The following NFAM1 variants were observed in gnomAD, a reference collection of about 807,000 sequenced individuals.
The protein encoded by NFAM1 is NFAT activation molecule 1.
A neutral mutation model predicts 29.0 loss-of-function variants in NFAM1; 17 were observed. That is an observed-to-expected ratio of 0.59 (90% confidence interval 0.40 to 0.88). The LOEUF (loss-of-function observed/expected upper bound fraction) is 0.88, where lower values mean the gene tolerates loss of function less well. Among genes scored for constraint, NFAM1 ranks in the 40% least tolerant of loss-of-function variants. NFAM1 has a pLI of 0.00. For missense variants in NFAM1, 324 were observed against 344.6 expected (o/e 0.94, Z 0.47); for synonymous variants, 175 against 147.2 (o/e 1.19, Z -1.36).
Position 42,431,783 on chromosome 22 carries a change from T to G in NFAM1, c.121+454A>C, listed in dbSNP as rs1040013219. The stretch of plus-strand genomic sequence containing the variant: ...TGTGGCTGGCCCTGGTATCCCCCCC[T>G]CCCCCCTCTCCCCGCTCTCCCTGGC... On this transcript the variant is annotated intron_variant, in intron 1 of 5. Transcript: ENST00000329021. Among the ~76,000 whole-genome samples, 449 of 85,956 alleles carry G rather than the reference T, an allele frequency of 5.2e-3. 1 individual carries two copies. The highest frequency in any genetic ancestry group is 7.2e-3 in the Non-Finnish European group (301 of 41,606). The allele number at this position is 85,956 out of a possible 152,430, so 56.4% of individuals were successfully genotyped here.
At chr22:42,393,709 C>A (rs1929426053) in intron 4 of NFAM1, among the ~76,000 whole-genome samples, 1 of 150,220 alleles carries the variant, frequency 6.7e-6, no homozygotes, top group African/African-American at 2.5e-5. Context: ...AGCCACTGCA[C>A]CCAGCCAAAA....
chr22:42,420,919 G>A (rs1276812289), intron 1 of NFAM1, among the ~76,000 whole-genome samples: 1 of 152,184 alleles, frequency 6.6e-6, no homozygotes, highest in East Asian at 1.9e-4. Flanking sequence ...CAATAGGTAG[G>A]GGCCTGGGGA....
In NFAM1 at chr22:42,417,875, C is replaced by T. The variant is rs559985563; in HGVS notation, c.122-6139G>A. ...ACGGTGTCTGGGAGGGCCCCCGCCC[C>T]GTCCCCGGGCTTGGCTGTTTGTTTT... On this transcript the variant is annotated intron_variant, in intron 1 of 5. Transcript: ENST00000329021. Among the ~76,000 whole-genome samples the T allele has an allele frequency of 6.6e-4, 100 of 152,258 alleles. 1 individual carries two copies. The highest frequency in any genetic ancestry group is 3.9e-3 in the South Asian group (19 of 4,830).
chr22:42,418,154 T>C (rs564307097), intron 1 of NFAM1, among the ~76,000 whole-genome samples: 21 of 152,252 alleles, frequency 1.4e-4, no homozygotes, highest in South Asian at 4.2e-4. Flanking sequence ...AAAGCCCAGG[T>C]TCTGGAGGCA....
At chr22:42,407,176 G>C (rs1469773656) in intron 3 of NFAM1, among the ~76,000 whole-genome samples, 1 of 151,576 alleles carries the variant, frequency 6.6e-6, no homozygotes, top group African/African-American at 2.4e-5. Context: ...CTGCCTCCTG[G>C]GTTCAAGCTA....
At chr22:42,428,246 T>C (rs1467556898) in intron 1 of NFAM1, among the ~76,000 whole-genome samples, 1 of 151,976 alleles carries the variant, frequency 6.6e-6, no homozygotes, top group Non-Finnish European at 1.5e-5. Flanking sequence ...TCCCGCTCTG[T>C]CCCCACTCCG....
At chr22:42,399,218 G>T in intron 3 of NFAM1, among the ~76,000 whole-genome samples, 1 of 151,680 alleles carries the variant, frequency 6.6e-6, no homozygotes, top group African/African-American at 2.4e-5. Flanking sequence ...AGGCCGAGTC[G>T]GGTGGATCAC....
At chr22:42,402,831 C>CTT (rs35045065) in intron 3 of NFAM1, among the ~76,000 whole-genome samples, 12,254 of 97,022 alleles carry the variant, frequency 0.13, 1,379 homozygotes, top group African/African-American at 0.23. Flanking sequence ...TCTGTGCCTT[C>CTT]TTTTTTTTTT....
At chr22:42,417,160 CT>C (rs1930288638) in intron 1 of NFAM1, among the ~76,000 whole-genome samples, 1 of 152,228 alleles carries the variant, frequency 6.6e-6, no homozygotes, top group Admixed American at 6.5e-5. Flanking sequence ...CACCTCGCCC[CT>C]CACCCTCACA....
At chr22:42,432,703 C>T (rs1601767829), upstream of NFAM1, among the ~76,000 whole-genome samples, 3 of 152,114 alleles carry the variant, frequency 2.0e-5, no homozygotes, top group Admixed American at 6.6e-5. Context: ...TGAGTGACTT[C>T]GGGCCTTGGT....
intron 1 of NFAM1, among the ~76,000 whole-genome samples, chr22:42,424,047 T>C (rs1413775786): frequency 6.6e-6 from 1 of 152,104 alleles, no homozygotes. Context: ...GTGATCTGCC[T>C]GACTCGGCCT....
chr22:42,384,929 C>T lies in NFAM1; in HGVS notation c.*232G>A, dbSNP rs1449162584. Reference sequence around the variant, plus strand: ...TTGGGCCAAGGGAGGAAGGGCCTGCCTGGCAGAAGGAACAGCCTGGGCAAA... The same window carrying T: ...TTGGGCCAAGGGAGGAAGGGCCTGCTTGGCAGAAGGAACAGCCTGGGCAAA... On this transcript the variant is annotated 3_prime_UTR_variant, in exon 6 of 6. Coordinates refer to ENST00000329021, the MANE Select transcript of NFAM1 (RefSeq NM_145912.8). The T allele has an allele frequency of 3.2e-6, 2 of 629,186 alleles. No individual in the cohort carries two copies. Among genetic ancestry groups the T allele is most frequent in the Non-Finnish European group, 5.7e-6 (2 of 351,764 alleles). 39.0% of individuals were successfully genotyped at this position (629,186 alleles called of 1,614,324 possible).
chr22:42,385,281 G>T (rs1929099226), intron 5 of NFAM1, 61 bp from the exon 6 acceptor site: 1 of 1,207,834 alleles, frequency 8.3e-7, no homozygotes, highest in African/African-American at 1.5e-5. Flanking sequence ...CATTAAGAAT[G>T]AACTTGCACT....
chr22:42,407,587 T>C (rs1379422315), intron 3 of NFAM1, among the ~76,000 whole-genome samples: 1 of 151,802 alleles, frequency 6.6e-6, no homozygotes, highest in East Asian at 1.9e-4. Flanking sequence ...GTCAGGCTGG[T>C]CTCAAACTTT....
At chr22:42,414,258 C>T (rs968209796) in intron 1 of NFAM1, among the ~76,000 whole-genome samples, 9 of 152,092 alleles carry the variant, frequency 5.9e-5, no homozygotes, top group Admixed American at 2.6e-4. Context: ...CTCTGGTGGA[C>T]GGAGCAGGGG....
Position 42,411,607 on chromosome 22 carries a change from T to C in NFAM1, c.251A>G (p.His84Arg), listed in dbSNP as rs758386170. 1.2e-6 allele frequency: 2 copies of C among 1,614,058 alleles called. No homozygotes were observed. Among genetic ancestry groups the C allele is most frequent in the African/African-American group, 1.3e-5 (1 of 74,908 alleles). The change falls in exon 2 of 6, where the codon CAT becomes CGT. Residue 84 changes from histidine (H) to arginine (R), a missense_variant. By Grantham distance (29) the His-to-Arg change is conservative (BLOSUM62 0). Transcript: ENST00000329021. Reference protein sequence around the residue: ...QFKVFTVSYFHEDLQGQRSPK... With the variant: ...QFKVFTVSYFREDLQGQRSPK... Reference sequence around the variant, plus strand: ...GCTCCTCTGTCCCTGGAGATCTTCATGAAAGTAGCTGACTGTGAAAACCTT... The same window carrying C: ...GCTCCTCTGTCCCTGGAGATCTTCACGAAAGTAGCTGACTGTGAAAACCTT...
Position 42,388,765 on chromosome 22 carries a change from G to A in NFAM1, c.664-1687C>T, listed in dbSNP as rs1171596550. Among the ~76,000 whole-genome samples the A allele has an allele frequency of 6.6e-6, 1 of 152,208 alleles. No individual in the cohort carries two copies. The highest frequency in any genetic ancestry group is 1.5e-5 in the Non-Finnish European group (1 of 68,028). Reference sequence around the variant, plus strand: ...CAAGGGCATCAGACATGGGGATGGTGGGGCGGCCCTGAGGACGAGTTCAAG... The same window carrying A: ...CAAGGGCATCAGACATGGGGATGGTAGGGCGGCCCTGAGGACGAGTTCAAG... On this transcript the variant is annotated intron_variant, in intron 4 of 5. Coordinates refer to ENST00000329021, the MANE Select transcript of NFAM1 (RefSeq NM_145912.8). The surrounding 1 kb of genome is among the most constrained non-coding windows in gnomAD (Gnocchi z 4.1).
intron 3 of NFAM1, among the ~76,000 whole-genome samples, chr22:42,405,260 C>T (rs867703770): frequency 6.6e-6 from 1 of 152,184 alleles, no homozygotes. Flanking sequence ...GTTAAGATCT[C>T]GCCTGGCCCC....
At chr22:42,424,201 G>A (rs13056159) in intron 1 of NFAM1, among the ~76,000 whole-genome samples, 4,978 of 152,216 alleles carry the variant, frequency 0.033, 101 homozygotes, top group South Asian at 0.052. Flanking sequence ...GGATCACAAC[G>A]TCAGGAGATT....
Sources: gnomAD v4.1 joint callset for allele counts (sites outside exome capture counted in the v4.1 genomes callset) on GRCh38, gnomAD v4.1.1 for gene constraint, Gnocchi (gnomAD v3.1) non-coding constraint, MANE v1.5 for transcripts, NCBI Gene and HGNC (gene_info 2026-07-23, HGNC 2026-07-21) for gene names.